Variants in RYR3 observed in about 807,000 individuals in gnomAD.
The protein encoded by RYR3 is brain ryanodine receptor-calcium release channel.
In RYR3, 207 loss-of-function variants were observed where a neutral mutation model predicts 584.3. The observed-to-expected ratio is 0.35, with a 90% CI of 0.32 to 0.40. RYR3 has a LOEUF of 0.40. RYR3 is among the 10% of genes least tolerant of loss of function. RYR3 has a pLI of 1.00. For synonymous variants in RYR3, 2,416 were observed against 2,248.5 expected (o/e 1.07, Z -2.11); for missense variants, 5,616 against 6,089.2 (o/e 0.92, Z 2.59).
chr15:33,635,645 C>A lies in RYR3; in HGVS notation c.3207C>A (p.Asp1069Glu), dbSNP rs1398276362. 6.2e-7 allele frequency: 1 copy of A among 1,613,826 alleles called. No individual in the cohort carries two copies. The highest frequency in any genetic ancestry group is 1.3e-5 in the African/African-American group (1 of 74,942). ...CGGCTGTGGAGAAGGTCAGCATAGA[C>A]AAGATCCGATTTTTCCGGGTAGAGC... Reference protein sequence around the residue: ...ADSAVEKVSIDKIRFFRVERS... With the variant: ...ADSAVEKVSIEKIRFFRVERS... The change falls in exon 26 of 104, where the codon GAC becomes GAA. Residue 1069 changes from aspartate (D) to glutamate (E), a missense_variant. Asp to Glu is a conservative substitution (Grantham distance 45). Around this residue, in one of 9 missense-constraint regions of RYR3, gnomAD observed 1,284 missense variants for 1,344.6 expected, o/e 0.95. Transcript: ENST00000634891.
chr15:33,432,697 T>TGTGTGTGTGTGTGTGTGTGTGTG (rs1555469372), intron 1 of RYR3, among the ~76,000 whole-genome samples: 1 of 148,898 alleles, frequency 6.7e-6, no homozygotes, highest in South Asian at 2.2e-4. Flanking sequence ...TGTGTGTGTG[T>TGTGTGTGTGTGTGTGTGTGTGTG]TTAAAGTAGA....
At chr15:33,487,527 T>C (rs1397494006) in intron 2 of RYR3, among the ~76,000 whole-genome samples, 2 of 152,094 alleles carry the variant, frequency 1.3e-5, no homozygotes, top group African/African-American at 4.8e-5. Flanking sequence ...GCTACCAGAG[T>C]GCCTGTTTAC....
At chr15:33,713,005 G>A (rs2067230597) in intron 43 of RYR3, among the ~76,000 whole-genome samples, 1 of 152,178 alleles carries the variant, frequency 6.6e-6, no homozygotes, top group Non-Finnish European at 1.5e-5. Flanking sequence ...TACGAGAGTG[G>A]TAGGGCATTT....
At chr15:33,859,809 G>A (rs2153013873) in intron 100 of RYR3, 78 bp downstream of exon 100, 2 of 1,416,182 alleles carry the variant, frequency 1.4e-6, no homozygotes, top group Non-Finnish European at 1.9e-6. Flanking sequence ...TGACTTAATT[G>A]GTTTATGAAG....
chr15:33,706,138 TA>T (rs956183123), intron 42 of RYR3, among the ~76,000 whole-genome samples: 289 of 148,232 alleles, frequency 1.9e-3, no homozygotes, highest in Middle Eastern at 0.014. Context: ...AGCTATCTTA[TA>T]AAAAAAAAAA....
chr15:33,580,523 C>G (rs2152514049), intron 13 of RYR3, among the ~76,000 whole-genome samples: 1 of 152,266 alleles, frequency 6.6e-6, no homozygotes, highest in Non-Finnish European at 1.5e-5. Context: ...ATTGAGAATA[C>G]CTGAGAAGCT....
intron 1 of RYR3, among the ~76,000 whole-genome samples, chr15:33,393,214 C>T (rs750438461): frequency 6.6e-6 from 1 of 152,230 alleles, no homozygotes; most frequent in Non-Finnish European, 1.5e-5. Flanking sequence ...ATCTATATAA[C>T]AGCTGACTTG....
intron 38 of RYR3, among the ~76,000 whole-genome samples, chr15:33,681,450 G>C (rs1169985305): frequency 1.3e-5 from 2 of 152,142 alleles, no homozygotes; most frequent in Non-Finnish European, 1.5e-5. Flanking sequence ...CTTCACATCT[G>C]AAAAGTCTCT....
chr15:33,722,511 A>T, intron 43 of RYR3: 1 of 574,098 alleles, frequency 1.7e-6, no homozygotes, highest in Non-Finnish European at 3.0e-6. Context: ...AAGTGCAGTG[A>T]GTGGGGTTTA....
chr15:33,864,931 G>T lies in RYR3; in HGVS notation c.14518-200G>T, dbSNP rs368249831. ...CAGAGGGGGATTTTTCTCCTTCCCT[G>T]CCAGCATGTGTCAGAGAGACATGGC... is the stretch of plus-strand genomic sequence containing the variant. On this transcript the variant is annotated intron_variant, in intron 103 of 103. Coordinates refer to ENST00000634891, the MANE Select transcript of RYR3 (RefSeq NM_001036.6). 2.0e-6 allele frequency: 1 copy of T among 511,576 alleles called. No homozygotes were observed. Among genetic ancestry groups the T allele is most frequent in the Non-Finnish European group, 3.5e-6 (1 of 289,236 alleles). The allele number at this position is 511,576 out of a possible 1,614,324, so 31.7% of individuals were successfully genotyped here.
chr15:33,854,552 TCAAAGA>T lies in RYR3; in HGVS notation c.13860+105_13860+110del, dbSNP rs1040801558. The T allele has an allele frequency of 4.5e-6, 5 of 1,116,400 alleles. No homozygotes were observed. In the Admixed American group the frequency reaches 1.4e-4, roughly 31 times the overall value. The allele number at this position is 1,116,400 out of a possible 1,614,324, so 69.2% of individuals were successfully genotyped here. A position where few individuals can be genotyped will look rare whatever the true frequency, so the allele number is the denominator to read the frequency against. On this transcript the variant is annotated intron_variant, in intron 97 of 103. Transcript: ENST00000634891. ...CTCAGAAGGGTTCAGGGATTGCTTA[TCAAAGA>T]CCAAGAGCCTTATACGTGCTGGGGG...
intron 24 of RYR3, among the ~76,000 whole-genome samples, chr15:33,633,726 A>C (rs1595904703): frequency 6.6e-6 from 1 of 152,170 alleles, no homozygotes; most frequent in Non-Finnish European, 1.5e-5. Flanking sequence ...CATGTTATAC[A>C]TATGAGTTTG....
At position 33,728,947 on chromosome 15, in the gene RYR3, T is replaced by C; in HGVS notation, c.7124T>C (p.Ile2375Thr). The change falls in exon 47 of 104, where the codon ATT (isoleucine) becomes ACT (threonine). Residue 2375 changes from isoleucine to threonine, a missense_variant. By Grantham distance (89) the Ile-to-Thr change is moderately conservative. Around this residue, in one of 9 missense-constraint regions of RYR3, gnomAD observed 1,280 missense variants for 1,426.2 expected, o/e 0.90. Coordinates refer to ENST00000634891, the MANE Select transcript of RYR3 (RefSeq NM_001036.6). Reference protein sequence around the residue: ...MVLFLDRVYGIKDQTFLLHLL... With the variant: ...MVLFLDRVYGTKDQTFLLHLL... The stretch of plus-strand genomic sequence containing the variant: ...CTGTTCTTGGACCGCGTTTATGGCA[T>C]TAAGGATCAAACTTTTCTGCTCCAC... 1.9e-6 allele frequency: 3 copies of C among 1,613,972 alleles called. No individual in the cohort carries two copies. Among genetic ancestry groups the C allele is most frequent in the Non-Finnish European group, 2.5e-6 (3 of 1,179,878 alleles).
chr15:33,718,671 A>G (rs2067675359), intron 43 of RYR3, among the ~76,000 whole-genome samples: 1 of 152,228 alleles, frequency 6.6e-6, no homozygotes, highest in African/African-American at 2.4e-5. Context: ...AGAGAGTGAG[A>G]AAAGTGATGG....
At chr15:33,532,055 G>T (rs1595472578) in intron 4 of RYR3, among the ~76,000 whole-genome samples, 1 of 152,118 alleles carries the variant, frequency 6.6e-6, no homozygotes, top group South Asian at 2.1e-4. Flanking sequence ...CTACTGGCTA[G>T]CTCCTTTTAA....
At chr15:33,457,999 T>C (rs894125530) in intron 1 of RYR3, among the ~76,000 whole-genome samples, 3 of 152,310 alleles carry the variant, frequency 2.0e-5, no homozygotes, top group South Asian at 2.1e-4. Flanking sequence ...GCCAGGTACA[T>C]TGAGAACATT....
intron 1 of RYR3, among the ~76,000 whole-genome samples, chr15:33,377,714 T>G (rs1435182391): frequency 6.6e-6 from 1 of 152,232 alleles, no homozygotes; most frequent in Non-Finnish European, 1.5e-5. Flanking sequence ...ATTCCTCACC[T>G]GGAAAATGCA....
intron 3 of RYR3, among the ~76,000 whole-genome samples, chr15:33,530,080 C>T (rs1453548546): frequency 6.6e-6 from 1 of 152,158 alleles, no homozygotes. Flanking sequence ...ATTTCAGAGC[C>T]ATCTCTCGTT....
At chr15:33,418,125 A>G (rs984462494) in intron 1 of RYR3, among the ~76,000 whole-genome samples, 1 of 152,110 alleles carries the variant, frequency 6.6e-6, no homozygotes, top group African/African-American at 2.4e-5. Flanking sequence ...ATTGGACTAC[A>G]TTCATTAGGG....
Sources: gnomAD v4.1 joint callset for allele counts (sites outside exome capture counted in the v4.1 genomes callset) on GRCh38, gnomAD v4.1.1 for gene constraint, gnomAD v4.1.1 regional missense constraint, MANE v1.5 for transcripts, NCBI Gene and HGNC (gene_info 2026-07-23, HGNC 2026-07-21) for gene names.